Variants in PLCL2 observed in about 807,000 individuals in gnomAD.
PLCL2 encodes phospholipase C like 2.
In PLCL2, 4 loss-of-function variants were observed where a neutral mutation model predicts 79.6. The observed-to-expected ratio is 0.05, with a 90% CI of 0.02 to 0.11. The LOEUF is 0.11. Ranked by LOEUF, PLCL2 falls within the 10% of genes least tolerant of loss-of-function variation. The probability of loss-of-function intolerance (pLI) is 1.00; values close to 1 mark genes in which losing one functional copy is unlikely to be tolerated. For synonymous variants in PLCL2, 484 were observed against 457.7 expected (o/e 1.06, Z -0.73); for missense variants, 895 against 1,291.0 (o/e 0.69, Z 4.70).
At chr3:17,036,257 C>A (rs1456815629) in intron 3 of PLCL2, among the ~76,000 whole-genome samples, 1 of 152,178 alleles carries the variant, frequency 6.6e-6, no homozygotes, top group Non-Finnish European at 1.5e-5. Flanking sequence ...TGGCCAAAGA[C>A]CTCTACAGCA....
At chr3:17,029,679 T>G (rs1473279329) in intron 3 of PLCL2, among the ~76,000 whole-genome samples, 1 of 152,136 alleles carries the variant, frequency 6.6e-6, no homozygotes, top group East Asian at 1.9e-4. Flanking sequence ...GAGAAATTCT[T>G]GAAAGCCAGA....
chr3:17,014,640 A>G (rs2064363718), intron 2 of PLCL2, 68 bp from the exon 3 acceptor site: 1 of 1,216,114 alleles, frequency 8.2e-7, no homozygotes, highest in Non-Finnish European at 1.2e-6. Flanking sequence ...AGATATATCA[A>G]ATATAATATC....
At chr3:17,089,638 A>G (rs1424256958) in intron 5 of PLCL2, 95 bp from the exon 6 acceptor site, 20 of 750,630 alleles carry the variant, frequency 2.7e-5, no homozygotes, top group Admixed American at 2.0e-4. Flanking sequence ...TTGTGGAATC[A>G]GAATACTTCT....
At chr3:17,061,320 GT>G (rs1224330325) in intron 4 of PLCL2, among the ~76,000 whole-genome samples, 1 of 152,098 alleles carries the variant, frequency 6.6e-6, no homozygotes, top group Non-Finnish European at 1.5e-5. Context: ...GGGCTGTTTG[GT>G]TTTCATCTAA....
chr3:17,042,781 A>G (rs553919217), intron 3 of PLCL2, 93 bp from the exon 4 acceptor site: 3 of 849,760 alleles, frequency 3.5e-6, no homozygotes, highest in South Asian at 2.8e-5. Flanking sequence ...ATATCATCAC[A>G]TCAGCCTGTT....
chr3:16,913,259 C>G lies in PLCL2; in HGVS notation c.327+27893C>G, dbSNP rs75296989. 7.1e-3 allele frequency among the ~76,000 whole-genome samples: 1,083 copies of G among 152,008 alleles called. 18 individuals are homozygous for G. Among genetic ancestry groups the G allele is most frequent in the African/African-American group, 0.024 (985 of 41,384 alleles). On this transcript the variant is annotated intron_variant, in intron 1 of 5. Coordinates refer to ENST00000615277, the MANE Select transcript of PLCL2 (RefSeq NM_001144382.2). ...TAGTCTTGTAATCTGTACCCTATTC[C>G]AGAATTACTCTCCCTCTCCTTTTGG...
At chr3:16,891,848 C>G (rs1010262421) in intron 1 of PLCL2, among the ~76,000 whole-genome samples, 4 of 152,210 alleles carry the variant, frequency 2.6e-5, no homozygotes, top group African/African-American at 9.6e-5. Flanking sequence ...ATGGTGACAC[C>G]TCTGTTTCCT....
intron 1 of PLCL2, among the ~76,000 whole-genome samples, chr3:16,999,486 A>G (rs889306516): frequency 6.6e-5 from 10 of 152,214 alleles, no homozygotes; most frequent in Non-Finnish European, 1.2e-4. Context: ...AATTCCAGGC[A>G]GTGTTTAGAG....
intron 3 of PLCL2, among the ~76,000 whole-genome samples, chr3:17,027,887 T>A (rs749336062): frequency 2.0e-4 from 30 of 152,204 alleles, no homozygotes; most frequent in Non-Finnish European, 3.8e-4. Context: ...AATTAACGTT[T>A]GCTCTGATTT....
At chr3:17,084,214 A>T (rs1206696428) in intron 5 of PLCL2, among the ~76,000 whole-genome samples, 3 of 152,234 alleles carry the variant, frequency 2.0e-5, no homozygotes, top group Non-Finnish European at 4.4e-5. Flanking sequence ...CTTGAAAGGT[A>T]CCATCTGCCA....
intron 4 of PLCL2, among the ~76,000 whole-genome samples, chr3:17,067,571 T>C (rs975428596): frequency 6.6e-5 from 10 of 152,200 alleles, no homozygotes; most frequent in Admixed American, 6.6e-4. Context: ...CTCCACTGTG[T>C]CCTCAGTGGA....
At chr3:16,955,496 G>C (rs1354240796) in intron 1 of PLCL2, among the ~76,000 whole-genome samples, 16 of 152,278 alleles carry the variant, frequency 1.1e-4, no homozygotes, top group Middle Eastern at 3.4e-3. Flanking sequence ...GCTTAGGATT[G>C]ACTTGGCAAT....
chr3:17,061,640 C>G (rs1323102972), intron 4 of PLCL2, among the ~76,000 whole-genome samples: 5 of 151,796 alleles, frequency 3.3e-5, no homozygotes, highest in Non-Finnish European at 7.4e-5. Flanking sequence ...ATAAAAAATC[C>G]TAGCTGTTTA....
chr3:17,010,535 A>G lies in PLCL2; in HGVS notation c.1189A>G (p.Lys397Glu). 6.2e-7 allele frequency: 1 copy of G among 1,614,138 alleles called. No homozygotes were observed. Among genetic ancestry groups the G allele is most frequent in the Non-Finnish European group, 8.5e-7 (1 of 1,180,002 alleles). The change falls in exon 2 of 6, where the codon AAG becomes GAG. Residue 397 changes from lysine to glutamate, a missense_variant. Lys to Glu is a moderately conservative substitution (Grantham distance 56). Transcript: ENST00000615277. The surrounding 1 kb of genome is among the most constrained non-coding windows in gnomAD (Gnocchi z 5.8). ...TGAACCATCCAAAGAGGGTCAGGAAAAGGGCTGGCTCTCCATAGACGGGTT... is the reference window on the plus strand; with the variant it reads ...TGAACCATCCAAAGAGGGTCAGGAAGAGGGCTGGCTCTCCATAGACGGGTT... Reference protein sequence around the residue: ...KYEPSKEGQEKGWLSIDGFTN... With the variant: ...KYEPSKEGQEEGWLSIDGFTN...
At chr3:16,944,455 C>T (rs2063582402) in intron 1 of PLCL2, among the ~76,000 whole-genome samples, 1 of 150,936 alleles carries the variant, frequency 6.6e-6, no homozygotes, top group Admixed American at 6.6e-5. Context: ...ACCCTTAGTG[C>T]CTCAGACTGT....
At chr3:16,935,976 A>G (rs552528351) in intron 1 of PLCL2, among the ~76,000 whole-genome samples, 2 of 152,320 alleles carry the variant, frequency 1.3e-5, no homozygotes, top group Non-Finnish European at 2.9e-5. Context: ...GTTAACATCA[A>G]AATGACTTTT....
At chr3:16,911,167 C>T (rs895664785) in intron 1 of PLCL2, among the ~76,000 whole-genome samples, 10 of 150,862 alleles carry the variant, frequency 6.6e-5, no homozygotes, top group Non-Finnish European at 1.0e-4. Context: ...GCAGGAGAAT[C>T]ACTTGAACCC....
In PLCL2 at chr3:16,988,581, T is replaced by G. The variant is rs58227772; in HGVS notation, c.328-21093T>G. ...GTTGTCAAAAGGAACTTGACATTTA[T>G]GATTACCACAGGTTGAAAGAAGCTA... On this transcript the variant is annotated intron_variant, in intron 1 of 5. Coordinates refer to ENST00000615277, the MANE Select transcript of PLCL2 (RefSeq NM_001144382.2). Among the ~76,000 whole-genome samples, 883 of 152,234 alleles carry G rather than the reference T, an allele frequency of 5.8e-3. 18 individuals are homozygous for G. The highest frequency in any genetic ancestry group is 0.021 in the African/African-American group (854 of 41,494).
chr3:16,984,641 A>G (rs1485859084), intron 1 of PLCL2, among the ~76,000 whole-genome samples: 1 of 152,154 alleles, frequency 6.6e-6, no homozygotes, highest in East Asian at 1.9e-4. Flanking sequence ...GTTATTTAAG[A>G]ATCAGACCTG....
Sources: allele counts gnomAD v4.1 joint callset (sites outside exome capture counted in the v4.1 genomes callset), GRCh38; gene constraint gnomAD v4.1.1; non-coding constraint Gnocchi (gnomAD v3.1); transcripts MANE v1.5; gene names NCBI Gene and HGNC (gene_info 2026-07-23, HGNC 2026-07-21).